Variants in PTH2R observed in about 807,000 individuals in gnomAD.
PTH2R encodes the protein PTH2 receptor.
Under a neutral mutation model 60.3 loss-of-function variants are expected in PTH2R, and 59 were observed. That is an observed-to-expected ratio of 0.98 (90% CI 0.79 to 1.22). The LOEUF is 1.22. Ranked by LOEUF, PTH2R falls within the 50% of genes most tolerant of loss-of-function variation. The probability of loss-of-function intolerance (pLI) is 0.00; values close to 1 mark genes in which losing one functional copy is unlikely to be tolerated. For synonymous variants in PTH2R, 256 were observed against 243.8 expected (o/e 1.05, Z -0.47); for missense variants, 749 against 682.6 (o/e 1.10, Z -1.08).
intron 9 of PTH2R, among the ~76,000 whole-genome samples, chr2:208,477,997 G>GTAC (rs1283881934): frequency 1.1e-5 from 1 of 88,446 alleles, no homozygotes; most frequent in African/African-American, 3.3e-5. Context: ...ACTAGTACTA[G>GTAC]TACTACTACT....
chr2:208,394,642 C>T (rs1174471172), intron 1 of PTH2R, among the ~76,000 whole-genome samples: 8 of 152,066 alleles, frequency 5.3e-5, no homozygotes. Flanking sequence ...TGTGTGCCTC[C>T]CTAAAAAAAT....
At position 208,393,079 on chromosome 2, in the gene PTH2R, G is replaced by T. The variant is rs757137693; in HGVS notation, c.-259+32842G>T. Among the ~76,000 whole-genome samples the T allele has an allele frequency of 1.9e-3, 283 of 152,330 alleles. 2 individuals are homozygous for T. The highest frequency in any genetic ancestry group is 2.6e-3 in the Non-Finnish European group (180 of 68,032). Reference sequence around the variant, plus strand: ...ACCTTGGGGATTCTGGACTTTACAAGCTTGCAACGCTGCTACTAGAGCCTC... The same window carrying T: ...ACCTTGGGGATTCTGGACTTTACAATCTTGCAACGCTGCTACTAGAGCCTC... On this transcript the variant is annotated intron_variant, in intron 1 of 12. Coordinates refer to the PTH2R transcript ENST00000617735.
rs1444974805 is a variant in PTH2R at position 208,365,943 on chromosome 2, TATATATATATATATATA to T, written c.-259+5707_-259+5723del. ...TATAATAGATAAATATATATATATA[TATATATATATATATATA>T]TTTTTTTTTTTTTTTTTTTTTTTTT... On this transcript the variant is annotated intron_variant, in intron 1 of 12. Transcript: ENST00000617735. 7.3e-3 allele frequency among the ~76,000 whole-genome samples: 135 copies of T among 18,582 alleles called. 1 individual carries two copies. The highest frequency in any genetic ancestry group is 0.016 in the African/African-American group (113 of 7,180). 12.2% of individuals were successfully genotyped at this position (18,582 alleles called of 152,430 possible). A position where few individuals can be genotyped will look rare whatever the true frequency, so the allele number is the denominator to read the frequency against.
intron 1 of PTH2R, among the ~76,000 whole-genome samples, chr2:208,397,321 C>T (rs1437247706): frequency 1.3e-5 from 2 of 151,790 alleles, no homozygotes; most frequent in African/African-American, 4.8e-5. Context: ...AAAAAAGAGG[C>T]CAAGAGCACC....
intron 10 of PTH2R, among the ~76,000 whole-genome samples, chr2:208,486,652 C>T (rs1237646127): frequency 2.0e-5 from 3 of 152,014 alleles, no homozygotes; most frequent in Non-Finnish European, 4.4e-5. Flanking sequence ...ATTCTGTCCC[C>T]TTTTATCTGA....
At chr2:208,391,616 A>G (rs1283973151) in intron 1 of PTH2R, among the ~76,000 whole-genome samples, 1 of 152,078 alleles carries the variant, frequency 6.6e-6, no homozygotes, top group African/African-American at 2.4e-5. Flanking sequence ...TTTTTTTATG[A>G]CGTTATGTAA....
At chr2:208,418,932 T>C (rs1487130162) in intron 1 of PTH2R, among the ~76,000 whole-genome samples, 1 of 152,210 alleles carries the variant, frequency 6.6e-6, no homozygotes, top group Non-Finnish European at 1.5e-5. Context: ...TTTACATGTA[T>C]AAATAATACT....
chr2:208,451,996 G>A (rs1056697220), intron 8 of PTH2R, among the ~76,000 whole-genome samples: 9 of 152,058 alleles, frequency 5.9e-5, no homozygotes, highest in Non-Finnish European at 8.8e-5. Context: ...AGGGACCAAC[G>A]GACCCAAAAC....
intron 1 of PTH2R, among the ~76,000 whole-genome samples, chr2:208,426,228 G>GT (rs141227231): frequency 1.6e-3 from 240 of 152,290 alleles, no homozygotes; most frequent in African/African-American, 5.6e-3. Flanking sequence ...TATCAAATAT[G>GT]TGACAGATTG....
intron 2 of PTH2R, among the ~76,000 whole-genome samples, chr2:208,436,506 C>A (rs35594113): frequency 6.6e-6 from 1 of 152,106 alleles, no homozygotes; most frequent in African/African-American, 2.4e-5. Context: ...TTACATGAAA[C>A]GGGTTTATTA....
At chr2:208,362,677 T>A (rs1700500749) in intron 1 of PTH2R, among the ~76,000 whole-genome samples, 1 of 152,246 alleles carries the variant, frequency 6.6e-6, no homozygotes, top group Non-Finnish European at 1.5e-5. Flanking sequence ...TGAGTTCTTT[T>A]GGGTAAATAC....
intron 1 of PTH2R, among the ~76,000 whole-genome samples, chr2:208,412,622 G>C (rs1397615826): frequency 6.6e-6 from 1 of 152,194 alleles, no homozygotes; most frequent in Non-Finnish European, 1.5e-5. Flanking sequence ...TGTACTGGGA[G>C]ATAGGACACC....
At chr2:208,381,940 A>G (rs1031378008) in intron 1 of PTH2R, among the ~76,000 whole-genome samples, 1 of 152,152 alleles carries the variant, frequency 6.6e-6, no homozygotes, top group African/African-American at 2.4e-5. Flanking sequence ...TTAGAGAGCA[A>G]GGATGTGAAT....
intron 6 of PTH2R, 113 bp downstream of exon 6, chr2:208,443,650 T>C: frequency 1.3e-6 from 1 of 788,518 alleles, no homozygotes; most frequent in South Asian, 2.6e-5. Flanking sequence ...CTGAACTAAC[T>C]AAAATGGATT....
At chr2:208,394,986 C>G (rs942105463) in intron 1 of PTH2R, among the ~76,000 whole-genome samples, 3 of 152,094 alleles carry the variant, frequency 2.0e-5, no homozygotes, top group African/African-American at 7.2e-5. Flanking sequence ...ACATCTTACT[C>G]CTAACTGCTA....
chr2:208,444,882 G>A lies in PTH2R; in HGVS notation c.848G>A (p.Gly283Asp). The A allele has an allele frequency of 6.2e-7, 1 of 1,612,446 alleles. No homozygotes were observed. Among genetic ancestry groups the A allele is most frequent in the Non-Finnish European group, 8.5e-7 (1 of 1,179,148 alleles). Reference sequence around the variant, plus strand: ...TACCTGTGGGGCTTCATCTTGATAGGCTGGGGTAAGACATTTATATCTCTG... The same window carrying A: ...TACCTGTGGGGCTTCATCTTGATAGACTGGGGTAAGACATTTATATCTCTG... The part of the protein sequence containing the change: ...TKYLWGFILI[G>D]WGFPAAFVAA... Residue 283 changes from glycine (G) to aspartate (D), a missense_variant, in exon 7 of 13, where the codon GGC becomes GAC. Gly to Asp is a moderately conservative substitution (Grantham distance 94). Transcript: ENST00000272847.
Position 208,372,920 on chromosome 2 carries a change from A to C in PTH2R, c.-259+12683A>C, listed in dbSNP as rs1053698923. ...GGCAACATGGCAAAACCCCGTCTCC[A>C]CCAAAAATACAAAAAATTAGCCAGG... On this transcript the variant is annotated intron_variant, in intron 1 of 12. Transcript: ENST00000617735. 6.6e-5 allele frequency among the ~76,000 whole-genome samples: 10 copies of C among 152,014 alleles called. 1 individual carries two copies. Among genetic ancestry groups the C allele is most frequent in the African/African-American group, 2.2e-4 (9 of 41,312 alleles).
chr2:208,436,509 G>T (rs1227229104), intron 2 of PTH2R, among the ~76,000 whole-genome samples: 1 of 152,158 alleles, frequency 6.6e-6, no homozygotes, highest in East Asian at 1.9e-4. Flanking sequence ...CATGAAACGG[G>T]TTTATTACTC....
At chr2:208,369,777 C>T (rs1214415279) in intron 1 of PTH2R, among the ~76,000 whole-genome samples, 1 of 152,034 alleles carries the variant, frequency 6.6e-6, no homozygotes, top group Admixed American at 6.5e-5. Flanking sequence ...GAATGCTAGC[C>T]ACATTACAAC....
Sources: allele counts gnomAD v4.1 joint callset (sites outside exome capture counted in the v4.1 genomes callset), GRCh38; gene constraint gnomAD v4.1.1; transcripts MANE v1.5; gene names NCBI Gene and HGNC (gene_info 2026-07-23, HGNC 2026-07-21).